XXYLT1: variants seen among roughly 807,000 people sequenced by gnomAD.
XXYLT1 encodes xyloside xylosyltransferase 1.
A neutral mutation model predicts 28.9 loss-of-function variants in XXYLT1; 20 were observed. The ratio of observed to expected loss-of-function variants is 0.69; its 90% CI spans 0.49 to 1.00. The LOEUF is 1.00. XXYLT1 is among the 50% of genes least tolerant of loss of function. The pLI is 0.00. For missense variants in XXYLT1, 542 were observed against 560.1 expected (o/e 0.97, Z 0.33); for synonymous variants, 257 against 253.8 (o/e 1.01, Z -0.12).
chr3:195,270,299 C>G (rs954510394), intron 1 of XXYLT1: 2 of 843,172 alleles, frequency 2.4e-6, no homozygotes, highest in Admixed American at 7.2e-5. Flanking sequence ...CTGGGGGCTG[C>G]GCTTAACTGG....
At chr3:195,082,130 C>A (rs531049388) in intron 3 of XXYLT1, among the ~76,000 whole-genome samples, 2 of 152,218 alleles carry the variant, frequency 1.3e-5, no homozygotes, top group Non-Finnish European at 2.9e-5. Flanking sequence ...CAAAGCCTCA[C>A]GATGGATCCA....
chr3:195,085,591 A>G (rs1286637480), intron 3 of XXYLT1, among the ~76,000 whole-genome samples: 1 of 152,230 alleles, frequency 6.6e-6, no homozygotes, highest in Admixed American at 6.5e-5. Flanking sequence ...GCTCCCTCAC[A>G]GCTCCAAGAG....
chr3:195,106,884 T>G (rs1717123747), intron 3 of XXYLT1, among the ~76,000 whole-genome samples: 2 of 56,694 alleles, frequency 3.5e-5, no homozygotes, highest in Non-Finnish European at 3.4e-5. Flanking sequence ...AAACACCCCC[T>G]AGAGGTGGGG....
intron 3 of XXYLT1, among the ~76,000 whole-genome samples, chr3:195,098,241 G>A (rs767462051): frequency 2.0e-5 from 3 of 152,204 alleles, no homozygotes; most frequent in Non-Finnish European, 4.4e-5. Context: ...ATTAATGCCA[G>A]TGACTGTACA....
At chr3:195,198,138 G>T (rs1353409913) in intron 2 of XXYLT1, among the ~76,000 whole-genome samples, 1 of 152,200 alleles carries the variant, frequency 6.6e-6, no homozygotes, top group Non-Finnish European at 1.5e-5. Flanking sequence ...AATTCTGTCT[G>T]GCTTGGGTTA....
At chr3:195,182,111 C>T (rs1721982596) in intron 2 of XXYLT1, among the ~76,000 whole-genome samples, 1 of 152,182 alleles carries the variant, frequency 6.6e-6, no homozygotes. Context: ...ATCATCTTTC[C>T]AGATACTGTG....
At chr3:195,223,928 G>A (rs1364285167) in intron 2 of XXYLT1, among the ~76,000 whole-genome samples, 2 of 152,074 alleles carry the variant, frequency 1.3e-5, no homozygotes, top group African/African-American at 2.4e-5. Flanking sequence ...AGGCCGAGGC[G>A]GGCGGATCAT....
At chr3:195,270,190 C>T in intron 1 of XXYLT1, 1 of 513,312 alleles carries the variant, frequency 1.9e-6, no homozygotes, top group Non-Finnish European at 3.7e-6. Flanking sequence ...CCAGTCCCAT[C>T]CTCAGAAGTC....
At chr3:195,095,004 G>C (rs111821533) in intron 3 of XXYLT1, among the ~76,000 whole-genome samples, 179 of 152,310 alleles carry the variant, frequency 1.2e-3, no homozygotes, top group African/African-American at 4.1e-3. Flanking sequence ...ATGTGTGTCC[G>C]GGATCTGGTT....
At chr3:195,243,947 T>C (rs1470144604) in intron 1 of XXYLT1, among the ~76,000 whole-genome samples, 3 of 152,180 alleles carry the variant, frequency 2.0e-5, no homozygotes, top group Admixed American at 6.5e-5. Flanking sequence ...TCTAAAGCCA[T>C]GTCCAATATC....
rs746577961 is a variant in XXYLT1 at position 195,078,051 on chromosome 3, A to G, written c.786-7940T>C. Among the ~76,000 whole-genome samples the G allele has an allele frequency of 1.3e-5, 2 of 152,198 alleles. No individual in the cohort carries two copies. Among genetic ancestry groups the G allele is most frequent in the South Asian group, 4.1e-4 (2 of 4,822 alleles). ...AGAGATGAGGGGGAAGAGGCAGTGG[A>G]GGGGCTTTAAGCCTGGATCCCTACT... On this transcript the variant is annotated intron_variant, in intron 3 of 3. Coordinates refer to ENST00000310380, the MANE Select transcript of XXYLT1 (RefSeq NM_152531.5). The surrounding 1 kb of genome is among the most constrained non-coding windows in gnomAD (Gnocchi z 5.0).
At chr3:195,174,680 C>T (rs1721571467) in intron 2 of XXYLT1, among the ~76,000 whole-genome samples, 1 of 118,408 alleles carries the variant, frequency 8.4e-6, no homozygotes, top group South Asian at 3.5e-4. Flanking sequence ...TTCCTTCCCT[C>T]CCCCCTCCCT....
chr3:195,198,646 A>C (rs1047827763), intron 2 of XXYLT1, among the ~76,000 whole-genome samples: 9 of 152,176 alleles, frequency 5.9e-5, no homozygotes, highest in African/African-American at 1.7e-4. Context: ...ATTTTCCACT[A>C]CTAAGTGGCA....
chr3:195,165,011 C>T (rs943626281), intron 2 of XXYLT1, among the ~76,000 whole-genome samples: 13 of 152,086 alleles, frequency 8.5e-5, no homozygotes, highest in African/African-American at 3.1e-4. Flanking sequence ...CCTGGACTCT[C>T]AGCACAGGGG....
Position 195,255,885 on chromosome 3 carries a change from CA to C in XXYLT1, c.504+14669del, listed in dbSNP as rs1725458721. Among the ~76,000 whole-genome samples, 2 of 152,244 alleles carry C rather than the reference CA, an allele frequency of 1.3e-5. No individual in the cohort carries two copies. The highest frequency in any genetic ancestry group is 4.8e-5 in the African/African-American group (2 of 41,564). On this transcript the variant is annotated intron_variant, in intron 1 of 3. Transcript: ENST00000310380. This position sits in a 1 kb window ranked among gnomAD's most constrained non-coding sequence, Gnocchi z 4.5. ...CAGCTAAATGAGGGAGGTGGGGCTC[CA>C]ACATCTCAGCCTGTAAATCCCACCT...
At chr3:195,200,441 A>G (rs561097386) in intron 2 of XXYLT1, among the ~76,000 whole-genome samples, 2 of 152,222 alleles carry the variant, frequency 1.3e-5, no homozygotes, top group Non-Finnish European at 2.9e-5. Flanking sequence ...GGTGGTGGAA[A>G]CAATGGTACT....
At chr3:195,261,682 T>C (rs570066118) in intron 1 of XXYLT1, among the ~76,000 whole-genome samples, 1 of 152,166 alleles carries the variant, frequency 6.6e-6, no homozygotes, top group Non-Finnish European at 1.5e-5. Context: ...AACTGTTTTT[T>C]GGGGTTTTTT....
intron 3 of XXYLT1, chr3:195,095,177 T>G (rs1186447119): frequency 2.0e-5 from 3 of 152,362 alleles, no homozygotes; most frequent in African/African-American, 4.8e-5. Context: ...AACTAAGCAT[T>G]ACATCTCATG....
intron 3 of XXYLT1, among the ~76,000 whole-genome samples, chr3:195,149,054 GTA>G (rs1720034671): frequency 6.6e-6 from 1 of 152,062 alleles, no homozygotes; most frequent in South Asian, 2.1e-4. Flanking sequence ...TTCTACTTTT[GTA>G]TATGTTGAAA....
Sources: gnomAD v4.1 joint callset for allele counts (sites outside exome capture counted in the v4.1 genomes callset) on GRCh38, gnomAD v4.1.1 for gene constraint, Gnocchi (gnomAD v3.1) non-coding constraint, MANE v1.5 for transcripts, NCBI Gene and HGNC (gene_info 2026-07-23, HGNC 2026-07-21) for gene names.